MTG1: variants seen among roughly 807,000 people sequenced by gnomAD.
MTG1 encodes mitochondrial ribosome-associated GTPase 1.
Under a neutral mutation model 39.5 loss-of-function variants are expected in MTG1, and 30 were observed. That is an observed-to-expected ratio of 0.76 (90% CI 0.57 to 1.03). The LOEUF is 1.03. Ranked by LOEUF, MTG1 falls within the 50% of genes least tolerant of loss-of-function variation. The probability of loss-of-function intolerance (pLI) is 0.00; values close to 1 mark genes in which losing one functional copy is unlikely to be tolerated. For missense variants in MTG1, 513 were observed against 447.4 expected (o/e 1.15, Z -1.32); for synonymous variants, 217 against 179.0 (o/e 1.21, Z -1.69).
chr10:133,412,460 T>G (rs1850061515), intron 9 of MTG1, among the ~76,000 whole-genome samples: 2 of 152,258 alleles, frequency 1.3e-5, no homozygotes, highest in Non-Finnish European at 2.9e-5. Flanking sequence ...ATTTTTTACC[T>G]AGACAATTAT....
chr10:133,408,794 A>C (rs1850005212), intron 9 of MTG1, among the ~76,000 whole-genome samples: 1 of 152,256 alleles, frequency 6.6e-6, no homozygotes, highest in African/African-American at 2.4e-5. Context: ...TGTATCCAGG[A>C]ATTCATCCCT....
rs530832129 is a variant in MTG1, at chr10:133,394,228, T to G, written c.8T>G (p.Leu3Trp). ...TCCGGGGACGGTGCCGCCATGAGATTGACCCCGCGCGCGCTGTGCAGCGCC... is the reference window on the plus strand; with the variant it reads ...TCCGGGGACGGTGCCGCCATGAGATGGACCCCGCGCGCGCTGTGCAGCGCC... MR[L>W]TPRALCSAAQ... The change falls in exon 1 of 11, where the codon TTG (leucine) becomes TGG (tryptophan). Residue 3 changes from leucine (L) to tryptophan (W), a missense_variant. Transcript: ENST00000317502. 2.6e-6 allele frequency: 4 copies of G among 1,516,734 alleles called. No individual in the cohort carries two copies. The highest frequency in any genetic ancestry group is 2.9e-5 in the African/African-American group (2 of 69,396). The allele number at this position is 1,516,734 out of a possible 1,614,324, so 94.0% of individuals were successfully genotyped here. A position where few individuals can be genotyped will look rare whatever the true frequency, so the allele number is the denominator to read the frequency against.
At chr10:133,395,036 C>T (rs533837607) in intron 1 of MTG1, among the ~76,000 whole-genome samples, 22 of 152,282 alleles carry the variant, frequency 1.4e-4, no homozygotes, top group Admixed American at 3.9e-4. Context: ...GGACTATCGT[C>T]ATCATCCCCG....
rs377634981 is a variant in MTG1 at position 133,402,750 on chromosome 10, C to G, written c.729C>G (p.Thr243=). 1.5e-5 allele frequency: 24 copies of G among 1,607,464 alleles called. No individual in the cohort carries two copies. The highest frequency in any genetic ancestry group is 2.0e-5 in the Non-Finnish European group (24 of 1,177,324). Residue 243 remains threonine (T), a synonymous_variant, in exon 9 of 11, where the codon ACC becomes ACG. Transcript: ENST00000317502. This position sits in a 1 kb window ranked among gnomAD's most constrained non-coding sequence, Gnocchi z 4.7. ...CCATGGCTGACTACCTGCTGTACAC[C>G]CTCAACAAACACCAGCGCTTTGGGT... ...EETMADYLLY[T]LNKHQRFGYV... is the part of the protein sequence containing the mutation.
Position 133,407,608 on chromosome 10 carries a change from G to T in MTG1, c.752+4835G>T, listed in dbSNP as rs558349718. On this transcript the variant is annotated intron_variant, in intron 9 of 10. Transcript: ENST00000317502. ...TTTGAGATGGAGTTTCGGTCTTGTT[G>T]CCCAGTCTGGAGTGCAATGGCATGA... is the stretch of plus-strand genomic sequence containing the variant. Among the ~76,000 whole-genome samples, 5 of 144,058 alleles carry T rather than the reference G, an allele frequency of 3.5e-5. No homozygotes were observed. In the South Asian group the frequency reaches 6.6e-4, roughly 19 times the overall value. The allele number at this position is 144,058 out of a possible 152,430, so 94.5% of individuals were successfully genotyped here. A position where few individuals can be genotyped will look rare whatever the true frequency, so the allele number is the denominator to read the frequency against.
rs1441211698 is a variant in MTG1, at chr10:133,394,551, C to T, written c.112+219C>T. 3 of 1,333,834 alleles carry T rather than the reference C, an allele frequency of 2.2e-6. No homozygotes were observed. The Admixed American group carries it at 1.2e-4, about 55-fold the overall frequency. The allele number at this position is 1,333,834 out of a possible 1,614,324, so 82.6% of individuals were successfully genotyped here. A position where few individuals can be genotyped will look rare whatever the true frequency, so the allele number is the denominator to read the frequency against. On this transcript the variant is annotated intron_variant, in intron 1 of 10. Transcript: ENST00000317502. ...CGGGAGAGGCCCGTTCCCGCGAGTG[C>T]CCCCGCGGCGCAGCCTCGGACCCAG...
intron 9 of MTG1, among the ~76,000 whole-genome samples, chr10:133,408,590 C>T (rs1850002532): frequency 6.6e-6 from 1 of 152,152 alleles, no homozygotes; most frequent in South Asian, 2.1e-4. Flanking sequence ...AGTGTTCCCC[C>T]CTTCAGTTTT....
At chr10:133,396,695 G>A (rs954884497) in intron 3 of MTG1, among the ~76,000 whole-genome samples, 2 of 152,114 alleles carry the variant, frequency 1.3e-5, no homozygotes, top group Non-Finnish European at 2.9e-5. Context: ...TCATTAGTTT[G>A]TAGCAATTAC....
At chr10:133,394,841 C>T in intron 1 of MTG1, 1 of 684,976 alleles carries the variant, frequency 1.5e-6, no homozygotes, top group Non-Finnish European at 1.8e-6. Context: ...ACCTCTGGGG[C>T]CAGCCCAGCC....
At chr10:133,395,252 C>G (rs1055787520) in intron 1 of MTG1, among the ~76,000 whole-genome samples, 1 of 152,048 alleles carries the variant, frequency 6.6e-6, no homozygotes, top group Non-Finnish European at 1.5e-5. Flanking sequence ...AAAATTAGCC[C>G]GGCATGGTGG....
intron 9 of MTG1, among the ~76,000 whole-genome samples, chr10:133,406,120 C>T (rs981439373): frequency 6.6e-6 from 1 of 152,140 alleles, no homozygotes; most frequent in African/African-American, 2.4e-5. Context: ...CACTTGTTGG[C>T]CATTTGTATG....
Position 133,419,516 on chromosome 10 carries a change from C to G in MTG1, c.789C>G (p.Asp263Glu), listed in dbSNP as rs750301444. Reference sequence around the variant, plus strand: ...ACTACGGCCTGGGCAGTGCCTGTGACAACGTAGAGCGCGTGCTGAAGAGTG... The same window carrying G: ...ACTACGGCCTGGGCAGTGCCTGTGAGAACGTAGAGCGCGTGCTGAAGAGTG... Reference protein sequence around the residue: ...VQHYGLGSACDNVERVLKSVA... With the variant: ...VQHYGLGSACENVERVLKSVA... Residue 263 changes from aspartate (D) to glutamate (E), a missense_variant, in exon 10 of 11, where the codon GAC becomes GAG. Transcript: ENST00000317502. 9.9e-6 allele frequency: 16 copies of G among 1,608,674 alleles called. No homozygotes were observed. The South Asian group carries it at 1.8e-4, about 18-fold the overall frequency.
intron 9 of MTG1, among the ~76,000 whole-genome samples, chr10:133,418,068 A>G (rs1379808895): frequency 6.6e-6 from 1 of 152,156 alleles, no homozygotes; most frequent in Admixed American, 6.5e-5. Context: ...CAGTGGCACA[A>G]TCTCAGCCCA....
At chr10:133,396,011 A>G (rs1849778149) in intron 2 of MTG1, 152 bp from the exon 3 acceptor site, 6 of 822,280 alleles carry the variant, frequency 7.3e-6, no homozygotes, top group Middle Eastern at 2.3e-4. Context: ...TAGATGGGCT[A>G]TGAAACTGTT....
intron 3 of MTG1, among the ~76,000 whole-genome samples, chr10:133,397,774 A>G (rs1280843366): frequency 1.5e-5 from 2 of 131,960 alleles, no homozygotes; most frequent in Non-Finnish European, 3.1e-5. Flanking sequence ...CACTGCGTCC[A>G]GCCTGTTTTT....
chr10:133,415,633 G>T (rs1390799597), intron 9 of MTG1, among the ~76,000 whole-genome samples: 1 of 152,204 alleles, frequency 6.6e-6, no homozygotes, highest in East Asian at 1.9e-4. Flanking sequence ...CTGCTTCCAG[G>T]ATTTTCTCTC....
chr10:133,410,490 G>T (rs144335624), intron 9 of MTG1, among the ~76,000 whole-genome samples: 1 of 151,952 alleles, frequency 6.6e-6, no homozygotes, highest in Non-Finnish European at 1.5e-5. Flanking sequence ...GTCTTCCTTC[G>T]CATGTGGTTA....
At chr10:133,414,418 A>G (rs533701572) in intron 9 of MTG1, among the ~76,000 whole-genome samples, 4 of 152,200 alleles carry the variant, frequency 2.6e-5, no homozygotes, top group African/African-American at 7.2e-5. Flanking sequence ...CCTGTTCTCA[A>G]TGAGCTGTTG....
Position 133,420,114 on chromosome 10 carries a change from G to T in MTG1, c.954G>T (p.Met318Ile). Residue 318 changes from methionine (M) to isoleucine (I), a missense_variant, in exon 11 of 11, where the codon ATG (methionine) becomes ATT (isoleucine). Transcript: ENST00000317502. ...GCCGTGGGCTGCTGGGTTCCGTGATGCTGGACCTCGACGTCCTGCGGGGCC... is the reference window on the plus strand; with the variant it reads ...GCCGTGGGCTGCTGGGTTCCGTGATTCTGGACCTCGACGTCCTGCGGGGCC... Reference protein sequence around the residue: ...TFRRGLLGSVMLDLDVLRGHP... With the variant: ...TFRRGLLGSVILDLDVLRGHP... 1 of 1,613,384 alleles carries T rather than the reference G, an allele frequency of 6.2e-7. No individual in the cohort carries two copies. The highest frequency in any genetic ancestry group is 1.1e-5 in the South Asian group (1 of 91,042).
Sources: gnomAD v4.1 joint callset for allele counts (sites outside exome capture counted in the v4.1 genomes callset) on GRCh38, gnomAD v4.1.1 for gene constraint, Gnocchi (gnomAD v3.1) non-coding constraint, MANE v1.5 for transcripts, NCBI Gene and HGNC (gene_info 2026-07-23, HGNC 2026-07-21) for gene names.